The following ADAMTS12 variants were observed in gnomAD, a reference collection of about 807,000 sequenced individuals.
ADAMTS12 encodes A disintegrin and metalloproteinase with thrombospondin motifs 12.
Under a neutral mutation model 167.8 loss-of-function variants are expected in ADAMTS12, and 118 were observed. The observed-to-expected ratio is 0.70, with a 90% CI of 0.61 to 0.82. The LOEUF is 0.82. ADAMTS12 is among the 40% of genes least tolerant of loss of function. ADAMTS12 has a pLI of 0.00. For missense variants in ADAMTS12, 1,916 were observed against 1,998.8 expected (o/e 0.96, Z 0.79); for synonymous variants, 704 against 716.9 (o/e 0.98, Z 0.29).
chr5:33,702,314 G>A (rs1743031593), intron 3 of ADAMTS12, among the ~76,000 whole-genome samples: 1 of 152,106 alleles, frequency 6.6e-6, no homozygotes, highest in East Asian at 1.9e-4. Flanking sequence ...TATTTCTTCT[G>A]CTGCAGCATT....
intron 2 of ADAMTS12, among the ~76,000 whole-genome samples, chr5:33,805,139 C>T (rs1747173215): frequency 6.6e-6 from 1 of 152,082 alleles, no homozygotes; most frequent in Admixed American, 6.6e-5. Context: ...ATCAAGCTAA[C>T]ACTATGCTTT....
chr5:33,768,137 G>A (rs191409244), intron 2 of ADAMTS12, among the ~76,000 whole-genome samples: 2 of 152,314 alleles, frequency 1.3e-5, no homozygotes, highest in East Asian at 3.9e-4. Flanking sequence ...TGCTGTGCTG[G>A]GCAAGAGGCC....
intron 3 of ADAMTS12, among the ~76,000 whole-genome samples, chr5:33,707,312 T>C (rs1331404863): frequency 1.3e-5 from 2 of 151,314 alleles, no homozygotes; most frequent in African/African-American, 4.8e-5. Flanking sequence ...AAGACACAAA[T>C]AAATGAAAAC....
chr5:33,587,259 G>A (rs1747406689), intron 18 of ADAMTS12, among the ~76,000 whole-genome samples: 1 of 152,156 alleles, frequency 6.6e-6, no homozygotes, highest in South Asian at 2.1e-4. Flanking sequence ...TTCTTTCAGA[G>A]CAGGTGAAAA....
At chr5:33,573,582 T>C (rs1392849096) in intron 19 of ADAMTS12, among the ~76,000 whole-genome samples, 1 of 152,166 alleles carries the variant, frequency 6.6e-6, no homozygotes, top group African/African-American at 2.4e-5. Context: ...TTACACCTTA[T>C]ACAAAAATTA....
intron 3 of ADAMTS12, among the ~76,000 whole-genome samples, chr5:33,711,644 C>T (rs1408512326): frequency 6.6e-6 from 1 of 152,272 alleles, no homozygotes; most frequent in East Asian, 1.9e-4. Context: ...GAAATATGTA[C>T]AATCAATGTT....
chr5:33,595,321 G>A (rs577637170), intron 17 of ADAMTS12, among the ~76,000 whole-genome samples: 1 of 152,232 alleles, frequency 6.6e-6, no homozygotes, highest in East Asian at 1.9e-4. Context: ...ACCCCGTAGT[G>A]GAAATCTGTC....
At chr5:33,614,913 T>C (rs1335260524) in intron 15 of ADAMTS12, among the ~76,000 whole-genome samples, 3 of 152,146 alleles carry the variant, frequency 2.0e-5, no homozygotes, top group African/African-American at 7.2e-5. Flanking sequence ...GTATTATGTT[T>C]GTTATTGTTG....
At chr5:33,803,183 G>A (rs1268817178) in intron 2 of ADAMTS12, among the ~76,000 whole-genome samples, 2 of 152,018 alleles carry the variant, frequency 1.3e-5, no homozygotes, top group South Asian at 2.1e-4. Context: ...CTCCAAACTC[G>A]CCCATAAAAG....
chr5:33,679,529 A>G (rs1028754739), intron 5 of ADAMTS12, among the ~76,000 whole-genome samples: 1 of 152,168 alleles, frequency 6.6e-6, no homozygotes, highest in Non-Finnish European at 1.5e-5. Flanking sequence ...TCACTGTCAC[A>G]AGAACAGCAT....
Position 33,683,945 on chromosome 5 carries a change from C to A in ADAMTS12, c.745G>T (p.Glu249Ter). Residue 249 changes from glutamate (E) to a stop codon, truncating the protein, a stop_gained, in exon 4 of 24, where the codon GAG becomes TAG. Transcript: ENST00000504830. LOFTEE classifies it high-confidence loss of function. ...TTTGTGTCGGCCACCACCAGTGTCT[C>A]CACCCATCTCTCCTTGCTGATGGAA... is the stretch of plus-strand genomic sequence containing the variant. ...RRSISKERWV[E>*]TLVVADTKMI... 1 of 1,611,870 alleles carries A rather than the reference C, an allele frequency of 6.2e-7. No individual in the cohort carries two copies. The highest frequency in any genetic ancestry group is 8.5e-7 in the Non-Finnish European group (1 of 1,179,182).
rs369176574 is a variant in ADAMTS12 at position 33,681,023 on chromosome 5, A to G, written c.915+1995T>C. Among the ~76,000 whole-genome samples, 172 of 152,294 alleles carry G rather than the reference A, an allele frequency of 1.1e-3. 1 individual carries two copies. Among genetic ancestry groups the G allele is most frequent in the African/African-American group, 4.1e-3 (171 of 41,560 alleles). On this transcript the variant is annotated intron_variant, in intron 5 of 23. Transcript: ENST00000504830. ...ACATCTGTGCCCCAATCAATGGTAA[A>G]CAAGCAGTTACATTTTCATAGAGTA... is the stretch of plus-strand genomic sequence containing the variant.
chr5:33,549,297 G>A lies in ADAMTS12; in HGVS notation c.4212C>T (p.His1404=). The A allele has an allele frequency of 6.2e-7, 1 of 1,614,238 alleles. No individual in the cohort carries two copies. The highest frequency in any genetic ancestry group is 1.7e-5 in the Admixed American group (1 of 60,028). Residue 1404 remains histidine (H), a synonymous_variant, in exon 21 of 24, where the codon CAC becomes CAT. Transcript: ENST00000504830. ...SRDHRNLRPF[H]CQFLAGIPPP... is the part of the protein sequence containing the mutation. ...GAGGAATGCCGGCCAGGAACTGGCA[G>A]TGAAATGGCCTCAGGTTCCGGTGGT...
intron 16 of ADAMTS12, among the ~76,000 whole-genome samples, chr5:33,605,885 G>A (rs1322808383): frequency 1.3e-5 from 2 of 152,116 alleles, no homozygotes; most frequent in Admixed American, 1.3e-4. Context: ...GTTATACAAA[G>A]TTATATAGTT....
At chr5:33,843,031 C>T (rs1042866797) in intron 2 of ADAMTS12, among the ~76,000 whole-genome samples, 6 of 152,170 alleles carry the variant, frequency 3.9e-5, no homozygotes, top group Non-Finnish European at 7.4e-5. Flanking sequence ...ATTGGAAGGG[C>T]CCTTGGTGAT....
chr5:33,789,967 C>T (rs567091440), intron 2 of ADAMTS12, among the ~76,000 whole-genome samples: 3 of 152,284 alleles, frequency 2.0e-5, no homozygotes, highest in Admixed American at 6.5e-5. Flanking sequence ...CCCGAGACTA[C>T]ACTATGAATC....
chr5:33,658,950 C>T (rs190160778), intron 6 of ADAMTS12, among the ~76,000 whole-genome samples: 244 of 152,170 alleles, frequency 1.6e-3, no homozygotes, highest in Non-Finnish European at 1.9e-3. Flanking sequence ...AAACATGCTC[C>T]CATAAACTGG....
In ADAMTS12 at chr5:33,637,666, G is replaced by A; in HGVS notation, c.1799C>T (p.Ala600Val). 2.5e-6 allele frequency: 4 copies of A among 1,613,820 alleles called. No individual in the cohort carries two copies. Among genetic ancestry groups the A allele is most frequent in the Non-Finnish European group, 3.4e-6 (4 of 1,179,768 alleles). The change falls in exon 12 of 24, where the codon GCA becomes GTA. Residue 600 changes from alanine (A) to valine (V), a missense_variant. Physicochemically the swap from Ala to Val is moderately conservative, Grantham distance 64 (BLOSUM62 0). Transcript: ENST00000504830. Reference sequence around the variant, plus strand: ...GCACTGCATCTGCCGAAATGTTGGTGCCTCTGAGCGACAGGGGTGGACGTT... The same window carrying A: ...GCACTGCATCTGCCGAAATGTTGGTACCTCTGAGCGACAGGGGTGGACGTT... ...LCNVHPCRSE[A>V]PTFRQMQCSE...
At chr5:33,774,500 T>A (rs1435837444) in intron 2 of ADAMTS12, among the ~76,000 whole-genome samples, 1 of 152,196 alleles carries the variant, frequency 6.6e-6, no homozygotes, top group African/African-American at 2.4e-5. Flanking sequence ...TACAGAACAT[T>A]GTGTAACAGG....
Sources: gnomAD v4.1 joint callset for allele counts (sites outside exome capture counted in the v4.1 genomes callset) on GRCh38, gnomAD v4.1.1 for gene constraint, MANE v1.5 for transcripts, NCBI Gene and HGNC (gene_info 2026-07-23, HGNC 2026-07-21) for gene names.